FMR1NB: variants seen among roughly 807,000 people sequenced by gnomAD.
FMR1NB encodes FMR1 neighbor.
In FMR1NB, 10 loss-of-function variants were observed where a neutral mutation model predicts 16.8. The ratio of observed to expected loss-of-function variants is 0.60; its 90% confidence interval spans 0.37 to 1.01. The LOEUF is 1.01. Among genes scored for constraint, FMR1NB ranks in the 50% least tolerant of loss-of-function variants. The pLI is 0.01. For missense variants in FMR1NB, 205 were observed against 204.8 expected, an observed-to-expected ratio of 1.00 and a Z score of 0.00; for synonymous variants, 83 against 79.1, an observed-to-expected ratio of 1.05 and a Z score of -0.26.
At chrX:147,993,720 C>T (rs1178851919) in intron 1 of FMR1NB, among the ~76,000 whole-genome samples, 1 of 109,706 alleles carries the variant, frequency 9.1e-6, no homozygotes, top group Non-Finnish European at 1.9e-5. Flanking sequence ...TCTTTATTTA[C>T]CCTCCTCCAG....
intron 4 of FMR1NB, among the ~76,000 whole-genome samples, chrX:148,020,388 C>T (rs1293150665): frequency 8.9e-6 from 1 of 112,123 alleles, no homozygotes; most frequent in Admixed American, 9.4e-5. Context: ...TGGTGCTCTA[C>T]TCCCCTGTGA....
At chrX:147,991,094 CTTTCT>C (rs1401392876) in intron 1 of FMR1NB, among the ~76,000 whole-genome samples, 2 of 111,161 alleles carry the variant, frequency 1.8e-5, no homozygotes, top group African/African-American at 3.3e-5. Flanking sequence ...CTCACAAATG[CTTTCT>C]TTTATCTCTC....
At chrX:147,990,965 T>C (rs184520961) in intron 1 of FMR1NB, among the ~76,000 whole-genome samples, 8 of 110,601 alleles carry the variant, frequency 7.2e-5, no homozygotes, top group Non-Finnish European at 1.5e-4. Context: ...CCTCCCTTAC[T>C]TCACCACACA....
chrX:147,986,341 A>G (rs782019080), intron 1 of FMR1NB, among the ~76,000 whole-genome samples: 2 of 112,082 alleles, frequency 1.8e-5, no homozygotes, highest in Admixed American at 1.9e-4. Flanking sequence ...CCATTTGTCA[A>G]TTTTGGCTTT....
chrX:148,014,150 A>G (rs112449222), intron 4 of FMR1NB, among the ~76,000 whole-genome samples: 1,210 of 111,288 alleles, frequency 0.011, 16 homozygotes, highest in African/African-American at 0.037. Context: ...ATAATGATAT[A>G]TCTAATCCAA....
chrX:148,022,036 GA>G (rs1557190632), intron 4 of FMR1NB, among the ~76,000 whole-genome samples: 2 of 109,487 alleles, frequency 1.8e-5, no homozygotes, highest in African/African-American at 6.7e-5. Context: ...ATTTTTAGAA[GA>G]AAAAAAATGT....
chrX:147,993,010 G>A (rs1160095911), intron 1 of FMR1NB, among the ~76,000 whole-genome samples: 7 of 105,147 alleles, frequency 6.7e-5, no homozygotes, highest in East Asian at 3.1e-4. Context: ...CTTCCCAGAC[G>A]GGGTGGCGGC....
intron 1 of FMR1NB, among the ~76,000 whole-genome samples, chrX:147,987,040 C>T (rs1194021746): frequency 1.8e-5 from 2 of 110,730 alleles, no homozygotes; most frequent in African/African-American, 6.6e-5. Context: ...CCTTCATGTC[C>T]CTTGTAAGTT....
intron 1 of FMR1NB, among the ~76,000 whole-genome samples, chrX:147,989,655 C>T (rs5904826): frequency 0.15 from 16,240 of 111,420 alleles, 1,630 homozygotes; most frequent in African/African-American, 0.37. Flanking sequence ...CCCAGTGAGA[C>T]GGGAGTTATA....
intron 4 of FMR1NB, among the ~76,000 whole-genome samples, chrX:148,011,253 G>C (rs1557189593): frequency 9.4e-6 from 1 of 106,909 alleles, no homozygotes; most frequent in Non-Finnish European, 1.9e-5. Flanking sequence ...GACAGAGTGA[G>C]ACTCCATCTC....
At chrX:148,014,512 C>T (rs1159321687) in intron 4 of FMR1NB, among the ~76,000 whole-genome samples, 2 of 112,161 alleles carry the variant, frequency 1.8e-5, no homozygotes, top group East Asian at 2.8e-4. Flanking sequence ...TCAGATTATG[C>T]TCTGTGCTCT....
chrX:148,003,630 C>T (rs183434361), intron 2 of FMR1NB, among the ~76,000 whole-genome samples: 3 of 112,153 alleles, frequency 2.7e-5, no homozygotes, highest in African/African-American at 9.7e-5. Flanking sequence ...CACAATTTGC[C>T]TGAATGGCAT....
chrX:147,989,397 C>G (rs1360111427), intron 1 of FMR1NB, among the ~76,000 whole-genome samples: 1 of 111,933 alleles, frequency 8.9e-6, no homozygotes, highest in Non-Finnish European at 1.9e-5. Context: ...GGGGCACCAG[C>G]CTGATGCCAG....
chrX:148,007,766 G>A (rs1265194457), intron 3 of FMR1NB, among the ~76,000 whole-genome samples: 1 of 112,280 alleles, frequency 8.9e-6, no homozygotes, highest in African/African-American at 3.2e-5. Flanking sequence ...AAGGATGCAT[G>A]CAAAATAATA....
intron 1 of FMR1NB, among the ~76,000 whole-genome samples, chrX:148,002,555 A>G (rs2044576094): frequency 8.9e-6 from 1 of 112,476 alleles, no homozygotes; most frequent in Non-Finnish European, 1.9e-5. Context: ...AGTGTTCTTT[A>G]TAACATCAAT....
At chrX:147,990,339 T>C (rs1557187484) in intron 1 of FMR1NB, among the ~76,000 whole-genome samples, 1 of 111,466 alleles carries the variant, frequency 9.0e-6, no homozygotes, top group Non-Finnish European at 1.9e-5. Context: ...CCAGTCCCAA[T>C]GAGATGAACA....
intron 1 of FMR1NB, among the ~76,000 whole-genome samples, chrX:148,002,965 A>G (rs1379927074): frequency 1.8e-5 from 2 of 112,444 alleles, no homozygotes; most frequent in Non-Finnish European, 3.8e-5. Context: ...TCAGCTTACA[A>G]CAATGGCATG....
intron 1 of FMR1NB, among the ~76,000 whole-genome samples, chrX:147,984,832 C>G (rs1465049704): frequency 1.8e-5 from 2 of 112,197 alleles, no homozygotes; most frequent in Non-Finnish European, 3.8e-5. Context: ...AGCTGTTCAT[C>G]AGCTCTTCAT....
At chrX:148,009,031 A>G (rs1231522782) in intron 4 of FMR1NB, among the ~76,000 whole-genome samples, 1 of 108,957 alleles carries the variant, frequency 9.2e-6, no homozygotes, top group East Asian at 2.9e-4. Flanking sequence ...AAAAAATACA[A>G]AATTAGCCGG....
Sources: allele counts gnomAD v4.1 joint callset (sites outside exome capture counted in the v4.1 genomes callset), GRCh38; gene constraint gnomAD v4.1.1; transcripts MANE v1.5; gene names NCBI Gene and HGNC (gene_info 2026-07-23, HGNC 2026-07-21).